JMJD1C: variants seen among roughly 807,000 people sequenced by gnomAD.
The protein encoded by JMJD1C is jumonji domain containing 1C.
Under a neutral mutation model 245.3 loss-of-function variants are expected in JMJD1C, and 31 were observed. That is an observed-to-expected ratio of 0.13 (90% CI 0.09 to 0.17). JMJD1C has a LOEUF of 0.17. Ranked by LOEUF, JMJD1C falls within the 10% of genes least tolerant of loss-of-function variation. The pLI, the probability that JMJD1C is intolerant of heterozygous loss-of-function variation, is 1.00. For missense variants in JMJD1C, 2,691 were observed against 3,000.2 expected (o/e 0.90, Z 2.41); for synonymous variants, 1,057 against 1,017.4 (o/e 1.04, Z -0.74).
intron 1 of JMJD1C, among the ~76,000 whole-genome samples, chr10:63,487,646 A>G (rs147525175): frequency 7.6e-4 from 116 of 152,340 alleles, no homozygotes; most frequent in African/African-American, 2.7e-3. Flanking sequence ...AGTTAAGGTG[A>G]TAGACCACGA....
intron 1 of JMJD1C, among the ~76,000 whole-genome samples, chr10:63,408,751 A>C (rs761952779): frequency 1.3e-5 from 2 of 151,828 alleles, no homozygotes; most frequent in African/African-American, 2.4e-5. Flanking sequence ...TACTCCATCG[A>C]TACAAGAGAA....
intron 2 of JMJD1C, among the ~76,000 whole-genome samples, chr10:63,273,470 A>G (rs918986612): frequency 1.3e-5 from 2 of 152,240 alleles, no homozygotes; most frequent in Non-Finnish European, 2.9e-5. Flanking sequence ...CTTGGTATCA[A>G]GCATAAATTG....
intron 2 of JMJD1C, among the ~76,000 whole-genome samples, chr10:63,285,945 T>C (rs1182645312): frequency 2.0e-5 from 3 of 152,222 alleles, no homozygotes; most frequent in Admixed American, 6.5e-5. Context: ...ATCTATACTT[T>C]TTATCATCAA....
chr10:63,273,347 ATAT>A (rs1177726646), intron 2 of JMJD1C, among the ~76,000 whole-genome samples: 1 of 152,144 alleles, frequency 6.6e-6, no homozygotes. Flanking sequence ...AAGTGCCACC[ATAT>A]CTGGCTAATA....
At chr10:63,253,184 A>C (rs4595427) in intron 3 of JMJD1C, among the ~76,000 whole-genome samples, 64,667 of 152,030 alleles carry the variant, frequency 0.43, 14,397 homozygotes, top group South Asian at 0.53. Context: ...AGTAATCAAA[A>C]CAGTGTGATA....
At chr10:63,342,171 T>C (rs1044792247) in intron 2 of JMJD1C, among the ~76,000 whole-genome samples, 2 of 152,236 alleles carry the variant, frequency 1.3e-5, no homozygotes, top group African/African-American at 4.8e-5. Context: ...CAATTGTTCA[T>C]TCATTAACCA....
At chr10:63,260,414 A>C (rs1854549535) in intron 3 of JMJD1C, among the ~76,000 whole-genome samples, 1 of 152,214 alleles carries the variant, frequency 6.6e-6, no homozygotes. Flanking sequence ...GCCAAAATCC[A>C]TGATAAAATG....
chr10:63,480,630 T>TA (rs35372705), intron 1 of JMJD1C, among the ~76,000 whole-genome samples: 10 of 144,282 alleles, frequency 6.9e-5, no homozygotes, highest in African/African-American at 1.5e-4. Context: ...AGTACTATTG[T>TA]AAAAAAAAAA....
chr10:63,294,451 A>C (rs968620239), intron 2 of JMJD1C, among the ~76,000 whole-genome samples: 1 of 151,804 alleles, frequency 6.6e-6, no homozygotes, highest in Non-Finnish European at 1.5e-5. Context: ...ACACCCAGCT[A>C]ATTTTTGTAT....
At chr10:63,501,505 C>T (rs1954558558) in intron 1 of JMJD1C, among the ~76,000 whole-genome samples, 2 of 152,118 alleles carry the variant, frequency 1.3e-5, no homozygotes, top group Admixed American at 1.3e-4. Context: ...CGGCTAGACA[C>T]GGTGGCTCAC....
At chr10:63,224,063 A>C (rs1398767960) in intron 3 of JMJD1C, among the ~76,000 whole-genome samples, 1 of 152,328 alleles carries the variant, frequency 6.6e-6, no homozygotes, top group East Asian at 1.9e-4. Flanking sequence ...ATATTTTTTC[A>C]ACAGGTTAAA....
chr10:63,213,702 C>A lies in JMJD1C; in HGVS notation c.2465G>T (p.Ser822Ile). ...GTGTGCTAGCGCTAAGTGGCTCAAGCTGCTGGCATGAGCACTCTCTAGTCG... is the reference window on the plus strand; with the variant it reads ...GTGTGCTAGCGCTAAGTGGCTCAAGATGCTGGCATGAGCACTCTCTAGTCG... ...HPRLESAHAS[S>I]LSHLALAHQQ... The change falls in exon 8 of 26, where the codon AGC (serine) becomes ATC (isoleucine). Residue 822 changes from serine to isoleucine, a missense_variant. This residue lies in a region of JMJD1C where 1,562 missense variants were observed against 1,490.7 expected (regional missense o/e 1.05). Coordinates refer to ENST00000399262, the MANE Select transcript of JMJD1C (RefSeq NM_032776.3). 2 of 1,614,196 alleles carry A rather than the reference C, an allele frequency of 1.2e-6. No individual in the cohort carries two copies. The highest frequency in any genetic ancestry group is 1.7e-6 in the Non-Finnish European group (2 of 1,180,014).
intron 2 of JMJD1C, among the ~76,000 whole-genome samples, chr10:63,309,261 G>A (rs893687125): frequency 1.3e-5 from 2 of 152,018 alleles, no homozygotes; most frequent in Non-Finnish European, 2.9e-5. Flanking sequence ...GGGAGGCCAA[G>A]GAAGGTGGAT....
At chr10:63,320,460 T>A (rs532785682) in intron 2 of JMJD1C, among the ~76,000 whole-genome samples, 1 of 152,168 alleles carries the variant, frequency 6.6e-6, no homozygotes, top group African/African-American at 2.4e-5. Flanking sequence ...ATATAGACGA[T>A]GTCAGCCCAC....
chr10:63,179,851 A>G (rs1843262221), intron 22 of JMJD1C, among the ~76,000 whole-genome samples: 1 of 152,188 alleles, frequency 6.6e-6, no homozygotes, highest in Non-Finnish European at 1.5e-5. Context: ...TCTTGAGCAA[A>G]AAAACTCAGA....
rs542265031 is a variant in JMJD1C at position 63,363,704 on chromosome 10, T to C, written c.333+16614A>G. ...TTTAGATTTCAGGTTTTTCTTTTTA[T>C]GAGACAGGGTCTCACTCTGTCACCC... On this transcript the variant is annotated intron_variant, in intron 2 of 25. Transcript: ENST00000399262. Among the ~76,000 whole-genome samples, 18 of 152,134 alleles carry C rather than the reference T, an allele frequency of 1.2e-4. No individual in the cohort carries two copies. The South Asian group carries it at 3.7e-3, about 32-fold the overall frequency.
chr10:63,512,384 T>C (rs1445406466), intron 1 of JMJD1C, among the ~76,000 whole-genome samples: 1 of 152,154 alleles, frequency 6.6e-6, no homozygotes, highest in Non-Finnish European at 1.5e-5. Context: ...ACAAATCGGA[T>C]TTGCAACAAA....
intron 2 of JMJD1C, among the ~76,000 whole-genome samples, chr10:63,370,809 A>AAAAT (rs1157674711): frequency 6.6e-6 from 1 of 152,220 alleles, no homozygotes; most frequent in African/African-American, 2.4e-5. Context: ...CAAGTTTACT[A>AAAAT]AAATAACTCA....
At chr10:63,234,268 G>T (rs1233764536) in intron 3 of JMJD1C, among the ~76,000 whole-genome samples, 1 of 151,906 alleles carries the variant, frequency 6.6e-6, no homozygotes, top group African/African-American at 2.4e-5. Context: ...GGCTGAGGCA[G>T]GTGAAACGCT....
Sources: gnomAD v4.1 joint callset for allele counts (sites outside exome capture counted in the v4.1 genomes callset) on GRCh38, gnomAD v4.1.1 for gene constraint, gnomAD v4.1.1 regional missense constraint, MANE v1.5 for transcripts, NCBI Gene and HGNC (gene_info 2026-07-23, HGNC 2026-07-21) for gene names.